The following HSD17B12 variants were observed in gnomAD, a reference collection of about 807,000 sequenced individuals.
HSD17B12 encodes the protein hydroxysteroid 17-beta dehydrogenase 12, also known as very-long-chain 3-oxoacyl-CoA reductase.
HSD17B12 carries 32 observed loss-of-function variants against 39.3 expected under a neutral mutation model. That is an observed-to-expected ratio of 0.81 (90% CI 0.61 to 1.09). The LOEUF is 1.09. Among genes scored for constraint, HSD17B12 ranks in the 50% least tolerant of loss-of-function variants. The pLI is 0.00. For missense variants in HSD17B12, 342 were observed against 382.9 expected, an observed-to-expected ratio of 0.89 and a Z score of 0.89; for synonymous variants, 150 against 146.7, an observed-to-expected ratio of 1.02 and a Z score of -0.16.
At chr11:43,631,433 G>A in the HSD17B12 span, among the ~76,000 whole-genome samples, 6 of 152,116 alleles carry the variant, frequency 3.9e-5, no homozygotes, top group African/African-American at 7.2e-5. Context: ...CACCAGCTGA[G>A]CTCCTTCTGA....
At chr11:43,819,602 A>G (rs1200662925) in intron 6 of HSD17B12, among the ~76,000 whole-genome samples, 1 of 152,244 alleles carries the variant, frequency 6.6e-6, no homozygotes, top group Non-Finnish European at 1.5e-5. Context: ...GACAAATTAT[A>G]AAATGCTTCT....
the HSD17B12 span, among the ~76,000 whole-genome samples, chr11:43,639,809 G>A: frequency 3.3e-5 from 5 of 152,174 alleles, no homozygotes. Context: ...GGTCAGTTCT[G>A]AGCAAGATAC....
Position 43,853,762 on chromosome 11 carries a change from C to G in HSD17B12, c.685-953C>G, listed in dbSNP as rs12226083. 593 of 151,616 alleles carry G rather than the reference C, an allele frequency of 3.9e-3. 6 individuals are homozygous for G. The East Asian group carries it at 0.044, about 11-fold the overall frequency. 9.4% of individuals were successfully genotyped at this position (151,616 alleles called of 1,614,324 possible). On this transcript the variant is annotated intron_variant, in intron 9 of 10. Transcript: ENST00000278353. ...TATGATCGTGCCACCGCACTCCAGC[C>G]TAAGCAACAAGCAAAACCCTGCCTC...
intron 3 of HSD17B12, among the ~76,000 whole-genome samples, chr11:43,788,828 A>G (rs1027700495): frequency 6.6e-6 from 1 of 152,140 alleles, no homozygotes; most frequent in Admixed American, 6.6e-5. Context: ...GAGCATTTGC[A>G]TGGAGCCCCA....
chr11:43,575,928 G>A, the HSD17B12 span, among the ~76,000 whole-genome samples: 1 of 152,222 alleles, frequency 6.6e-6, no homozygotes, highest in African/African-American at 2.4e-5. The surrounding 1 kb of genome is among the most constrained non-coding windows in gnomAD (Gnocchi z 4.1). Flanking sequence ...ATTTTGCAGA[G>A]CGTGGGTGGG....
the HSD17B12 span, among the ~76,000 whole-genome samples, chr11:43,597,989 A>C: frequency 6.6e-6 from 1 of 152,076 alleles, no homozygotes; most frequent in Admixed American, 6.6e-5. Context: ...GAGTTGTGAC[A>C]GTGCTTGATA....
intron 1 of HSD17B12, among the ~76,000 whole-genome samples, chr11:43,695,067 T>G (rs1949897763): frequency 6.6e-6 from 1 of 151,972 alleles, no homozygotes; most frequent in Admixed American, 6.6e-5. Flanking sequence ...ATGTCTGTAA[T>G]CCCAGCCATT....
intron 1 of HSD17B12, among the ~76,000 whole-genome samples, chr11:43,697,120 A>G (rs1949919423): frequency 6.6e-6 from 1 of 152,214 alleles, no homozygotes; most frequent in Non-Finnish European, 1.5e-5. Context: ...ACCATGGCAC[A>G]TGTATACTTA....
chr11:43,833,045 A>C (rs967492738), intron 7 of HSD17B12: 2 of 152,680 alleles, frequency 1.3e-5, no homozygotes, highest in Admixed American at 1.3e-4. Flanking sequence ...AAAAAAAAAA[A>C]AAAAAAAAAG....
At chr11:43,776,911 G>A (rs1227999114) in intron 3 of HSD17B12, among the ~76,000 whole-genome samples, 1 of 152,152 alleles carries the variant, frequency 6.6e-6, no homozygotes, top group Non-Finnish European at 1.5e-5. Flanking sequence ...AGATCAGATA[G>A]TTGTAGATAT....
At chr11:43,770,039 GAA>G (rs1345239202) in intron 3 of HSD17B12, among the ~76,000 whole-genome samples, 1 of 152,120 alleles carries the variant, frequency 6.6e-6, no homozygotes, top group Non-Finnish European at 1.5e-5. Flanking sequence ...TATCCTCAGA[GAA>G]AGAAATGCCA....
chr11:43,594,887 T>C, the HSD17B12 span, among the ~76,000 whole-genome samples: 1 of 151,950 alleles, frequency 6.6e-6, no homozygotes, highest in Non-Finnish European at 1.5e-5. Flanking sequence ...ACATTTCTTT[T>C]TCCTGCAGAG....
At chr11:43,594,960 C>T in the HSD17B12 span, among the ~76,000 whole-genome samples, 1 of 152,080 alleles carries the variant, frequency 6.6e-6, no homozygotes, top group Non-Finnish European at 1.5e-5. Context: ...TTTATTGGGA[C>T]CACTGTGGTA....
chr11:43,743,803 TA>T (rs1179421613), intron 1 of HSD17B12, among the ~76,000 whole-genome samples: 1 of 152,176 alleles, frequency 6.6e-6, no homozygotes, highest in Non-Finnish European at 1.5e-5. Flanking sequence ...CTCTAATCGA[TA>T]TTTTAATGCA....
chr11:43,626,690 C>T, the HSD17B12 span, among the ~76,000 whole-genome samples: 1 of 151,796 alleles, frequency 6.6e-6, no homozygotes, highest in South Asian at 2.1e-4. Context: ...CATTTCAACC[C>T]TTATGCAAAT....
At chr11:43,697,657 G>C (rs1044269597) in intron 1 of HSD17B12, among the ~76,000 whole-genome samples, 1 of 152,202 alleles carries the variant, frequency 6.6e-6, no homozygotes, top group Non-Finnish European at 1.5e-5. Context: ...AATTAGAGAT[G>C]GGCAGGTGAG....
At chr11:43,774,677 T>C (rs1467992295) in intron 3 of HSD17B12, among the ~76,000 whole-genome samples, 1 of 152,214 alleles carries the variant, frequency 6.6e-6, no homozygotes, top group Non-Finnish European at 1.5e-5. Flanking sequence ...AATCAACTCA[T>C]TGAATCCTTG....
chr11:43,640,811 G>A, the HSD17B12 span: 1 of 151,860 alleles, frequency 6.6e-6, no homozygotes, highest in African/African-American at 2.4e-5. Context: ...TTTAATTGCA[G>A]CATTAATTTA....
At chr11:43,579,676 C>A in the HSD17B12 span, among the ~76,000 whole-genome samples, 20 of 152,162 alleles carry the variant, frequency 1.3e-4, no homozygotes, top group South Asian at 1.9e-3. Context: ...GCGCGGCGGG[C>A]GCGCAGACGC....
Sources: gnomAD v4.1 joint callset for allele counts (sites outside exome capture counted in the v4.1 genomes callset) on GRCh38, gnomAD v4.1.1 for gene constraint, Gnocchi (gnomAD v3.1) non-coding constraint, MANE v1.5 for transcripts, NCBI Gene and HGNC (gene_info 2026-07-23, HGNC 2026-07-21) for gene names.